The following WWP2 variants were observed in gnomAD, a reference collection of about 807,000 sequenced individuals.
WWP2 encodes the protein NEDD4-like E3 ubiquitin-protein ligase WWP2.
A neutral mutation model predicts 121.0 loss-of-function variants in WWP2; 57 were observed. The ratio of observed to expected loss-of-function variants is 0.47; its 90% confidence interval spans 0.38 to 0.59. The LOEUF is 0.59. Among genes scored for constraint, WWP2 ranks in the 20% least tolerant of loss-of-function variants. WWP2 has a pLI of 0.00. For missense variants in WWP2, 962 were observed against 1,158.9 expected (o/e 0.83, Z 2.47); for synonymous variants, 449 against 441.3 (o/e 1.02, Z -0.22).
chr16:69,789,283 G>C (rs756100418), intron 2 of WWP2, among the ~76,000 whole-genome samples: 2 of 152,122 alleles, frequency 1.3e-5, no homozygotes, highest in Admixed American at 6.5e-5. Flanking sequence ...AGGCTGGAGT[G>C]CAGTGGTGCG....
intron 4 of WWP2, among the ~76,000 whole-genome samples, chr16:69,818,089 C>T (rs919684991): frequency 6.6e-6 from 1 of 152,154 alleles, no homozygotes; most frequent in African/African-American, 2.4e-5. Flanking sequence ...TCTCCAACAG[C>T]ACTGGGTGTT....
At chr16:69,765,060 C>T (rs2038697607) in intron 1 of WWP2, among the ~76,000 whole-genome samples, 2 of 151,864 alleles carry the variant, frequency 1.3e-5, no homozygotes, top group Admixed American at 6.6e-5. Context: ...AAAAATTAGC[C>T]AGGTGCAGTG....
intron 1 of WWP2, among the ~76,000 whole-genome samples, chr16:69,778,453 C>T (rs1363300417): frequency 6.6e-6 from 1 of 151,966 alleles, no homozygotes; most frequent in African/African-American, 2.4e-5. Context: ...TACTTGAGTA[C>T]GTGTACGGAG....
At chr16:69,872,172 A>G (rs1019666711) in intron 7 of WWP2, among the ~76,000 whole-genome samples, 2 of 152,202 alleles carry the variant, frequency 1.3e-5, no homozygotes, top group Non-Finnish European at 2.9e-5. Context: ...ACTCATTTGC[A>G]CAGAAATAAA....
In WWP2 at chr16:69,931,686, G is replaced by A. The variant is rs8056426; in HGVS notation, c.1593+106G>A. On this transcript the variant is annotated intron_variant, in intron 15 of 23. Coordinates refer to ENST00000359154, the MANE Select transcript of WWP2 (RefSeq NM_001270454.2). ...ACCCACACTGCAGACTTTCCAGGGCGTGAGTCTTGGTGACTGTGTCTGCTG... is the reference window on the plus strand; with the variant it reads ...ACCCACACTGCAGACTTTCCAGGGCATGAGTCTTGGTGACTGTGTCTGCTG... 5.1e-4 allele frequency: 803 copies of A among 1,566,124 alleles called. 1 individual carries two copies. Among genetic ancestry groups the A allele is most frequent in the Non-Finnish European group, 5.1e-4 (583 of 1,136,654 alleles).
intron 10 of WWP2, chr16:69,924,861 G>A (rs1597168889): frequency 1.1e-6 from 1 of 926,846 alleles, no homozygotes; most frequent in Non-Finnish European, 1.3e-6. Flanking sequence ...GGTGGACGCT[G>A]CACACCCAGA....
At chr16:69,936,115 C>T (rs2058794112) in intron 18 of WWP2, 129 bp downstream of exon 18, 5 of 1,474,500 alleles carry the variant, frequency 3.4e-6, no homozygotes, top group Non-Finnish European at 4.6e-6. Context: ...TCTATAAGAG[C>T]TTGTGGAGAG....
chr16:69,855,948 C>G (rs2057302864), intron 6 of WWP2, among the ~76,000 whole-genome samples: 1 of 152,062 alleles, frequency 6.6e-6, no homozygotes, highest in South Asian at 2.1e-4. Context: ...TCTTGTTATT[C>G]TTGTTTTTAG....
chr16:69,872,754 C>T (rs2151917787), intron 7 of WWP2, among the ~76,000 whole-genome samples: 1 of 152,254 alleles, frequency 6.6e-6, no homozygotes, highest in South Asian at 2.1e-4. Flanking sequence ...GATGGGGGCC[C>T]CATTTGAGAG....
At chr16:69,857,002 T>G (rs2057327183) in intron 6 of WWP2, among the ~76,000 whole-genome samples, 1 of 152,172 alleles carries the variant, frequency 6.6e-6, no homozygotes, top group Non-Finnish European at 1.5e-5. Context: ...CACAGTTCAT[T>G]TATGTTTCTC....
At chr16:69,853,892 T>C (rs3790084) in intron 6 of WWP2, among the ~76,000 whole-genome samples, 23,476 of 152,066 alleles carry the variant, frequency 0.15, 2,146 homozygotes, top group East Asian at 0.4. Context: ...AAACCACATC[T>C]CCCATGGTGG....
chr16:69,818,095 G>A (rs1294891900), intron 4 of WWP2, among the ~76,000 whole-genome samples: 2 of 151,976 alleles, frequency 1.3e-5, no homozygotes, highest in Non-Finnish European at 2.9e-5. Context: ...ACAGCACTGG[G>A]TGTTGTCAGT....
At chr16:69,825,618 T>G (rs2056672404) in intron 4 of WWP2, among the ~76,000 whole-genome samples, 3 of 135,266 alleles carry the variant, frequency 2.2e-5, no homozygotes, top group South Asian at 2.4e-4. Context: ...CAGAAGTGGG[T>G]TTTTTTTTTT....
chr16:69,853,158 G>T (rs1415808705), intron 6 of WWP2, among the ~76,000 whole-genome samples: 1 of 152,210 alleles, frequency 6.6e-6, no homozygotes, highest in African/African-American at 2.4e-5. Context: ...AGCTATATCA[G>T]TTGGGGTTCA....
chr16:69,769,316 CAAAAAAA>C (rs1186524809), intron 1 of WWP2, among the ~76,000 whole-genome samples: 3 of 76,398 alleles, frequency 3.9e-5, no homozygotes, highest in Non-Finnish European at 7.9e-5. Flanking sequence ...GACTCCATCT[CAAAAAAA>C]AAAAAAAAAA....
chr16:69,939,960 GC>G lies in WWP2; in HGVS notation c.*26del. 1 of 1,597,094 alleles carries G rather than the reference GC, an allele frequency of 6.3e-7. No individual in the cohort carries two copies. On this transcript the variant is annotated 3_prime_UTR_variant, in exon 24 of 24. Coordinates refer to ENST00000359154, the MANE Select transcript of WWP2 (RefSeq NM_001270454.2). ...GAGTAACCGAGGCCGCCCCTCCCACGCCCCCCAGCGCACATGTAGTCCTGAG... is the reference window on the plus strand; with the variant it reads ...GAGTAACCGAGGCCGCCCCTCCCACGCCCCCAGCGCACATGTAGTCCTGAG...
At chr16:69,849,399 G>A (rs977995665) in intron 6 of WWP2, among the ~76,000 whole-genome samples, 3 of 152,212 alleles carry the variant, frequency 2.0e-5, no homozygotes, top group Non-Finnish European at 4.4e-5. Context: ...CTCCCATGCA[G>A]TAGCTTATGC....
chr16:69,805,746 G>A lies in WWP2; in HGVS notation c.340+6451G>A, dbSNP rs565172568. On this transcript the variant is annotated intron_variant, in intron 4 of 23. Coordinates refer to ENST00000359154, the MANE Select transcript of WWP2 (RefSeq NM_001270454.2). ...CCATCTCAGTCTCTGGAGTAGCTGG[G>A]ACTATAGGTGTGTTACTAATTTAAT... 5.3e-5 allele frequency among the ~76,000 whole-genome samples: 8 copies of A among 151,494 alleles called. No individual in the cohort carries two copies. In the East Asian group the frequency reaches 1.5e-3, roughly 29 times the overall value.
intron 4 of WWP2, among the ~76,000 whole-genome samples, chr16:69,824,203 C>T (rs1038451607): frequency 6.6e-6 from 1 of 152,354 alleles, no homozygotes; most frequent in East Asian, 1.9e-4. Context: ...GCCATGTTAA[C>T]ATCAGACCTC....
Sources: allele counts gnomAD v4.1 joint callset (sites outside exome capture counted in the v4.1 genomes callset), GRCh38; gene constraint gnomAD v4.1.1; transcripts MANE v1.5; gene names NCBI Gene and HGNC (gene_info 2026-07-23, HGNC 2026-07-21).